Variants in PTGIS observed in about 807,000 individuals in gnomAD.
The protein encoded by PTGIS is prostaglandin I2 synthase.
Under a neutral mutation model 50.3 loss-of-function variants are expected in PTGIS, and 45 were observed. That is an observed-to-expected ratio of 0.90 (90% CI 0.70 to 1.15). The LOEUF (loss-of-function observed/expected upper bound fraction) is 1.15, where lower values mean the gene tolerates loss of function less well. Ranked by LOEUF, PTGIS falls within the 50% of genes most tolerant of loss-of-function variation. The probability of loss-of-function intolerance (pLI) is 0.00; values close to 1 mark genes in which losing one functional copy is unlikely to be tolerated. For missense variants in PTGIS, 668 were observed against 661.3 expected, an observed-to-expected ratio of 1.01 and a Z score of -0.11; for synonymous variants, 260 against 267.7, an observed-to-expected ratio of 0.97 and a Z score of 0.28.
intron 6 of PTGIS, among the ~76,000 whole-genome samples, chr20:49,518,573 G>T (rs1246111174): frequency 6.6e-6 from 1 of 151,982 alleles, no homozygotes; most frequent in East Asian, 1.9e-4. Flanking sequence ...GGGAAAGCTG[G>T]GTGAAGGGTA....
intron 9 of PTGIS, among the ~76,000 whole-genome samples, chr20:49,509,897 TTTTTTTC>T (rs1243998388): frequency 1.6e-5 from 2 of 124,012 alleles, no homozygotes; most frequent in Admixed American, 7.8e-5. Context: ...TTTTTTTTTT[TTTTTTTC>T]TGGAGACAGA....
At chr20:49,525,585 T>G (rs79424383) in intron 5 of PTGIS, among the ~76,000 whole-genome samples, 2 of 148,294 alleles carry the variant, frequency 1.3e-5, no homozygotes. Context: ...TTCTACTTCT[T>G]TTTTTTTTTT....
intron 6 of PTGIS, among the ~76,000 whole-genome samples, chr20:49,516,357 AACCTCC>A (rs1214735004): frequency 6.6e-5 from 10 of 152,100 alleles, no homozygotes; most frequent in African/African-American, 2.4e-4. Flanking sequence ...GGCTCACTGC[AACCTCC>A]ACCTCCTGGG....
intron 1 of PTGIS, among the ~76,000 whole-genome samples, chr20:49,562,169 C>T (rs1457383018): frequency 6.6e-6 from 1 of 152,210 alleles, no homozygotes; most frequent in Non-Finnish European, 1.5e-5. Context: ...TGACACTACC[C>T]TGGCCCCCAG....
chr20:49,547,605 C>CCAAACAAA (rs113839455), intron 3 of PTGIS, among the ~76,000 whole-genome samples: 8,264 of 144,568 alleles, frequency 0.057, 725 homozygotes, highest in African/African-American at 0.19. Context: ...AGGGCTGCCT[C>CCAAACAAA]CAAACAAACA....
chr20:49,541,645 C>T (rs12106255), intron 4 of PTGIS, among the ~76,000 whole-genome samples: 1,664 of 152,200 alleles, frequency 0.011, 28 homozygotes, highest in African/African-American at 0.038. Context: ...GCGAGAGAAT[C>T]GCTTGAATCT....
In PTGIS at chr20:49,505,485, A is replaced by T. The variant is rs1981126235; in HGVS notation, c.*2435T>A. On this transcript the variant is annotated 3_prime_UTR_variant, in exon 10 of 10. Transcript: ENST00000244043. The stretch of plus-strand genomic sequence containing the variant: ...TTCACTAATGACTGTGGTTCCAAGG[A>T]GGTGCGACCTTTAAAGGGAATTGGC... 1 of 152,452 alleles carries T rather than the reference A, an allele frequency of 6.6e-6. No individual in the cohort carries two copies. The highest frequency in any genetic ancestry group is 2.1e-4 in the South Asian group (1 of 4,828). 9.4% of individuals were successfully genotyped at this position (152,452 alleles called of 1,614,324 possible).
At chr20:49,542,712 C>T (rs1219458211) in intron 4 of PTGIS, among the ~76,000 whole-genome samples, 1 of 152,198 alleles carries the variant, frequency 6.6e-6, no homozygotes, top group Non-Finnish European at 1.5e-5. Context: ...ACACCAATTA[C>T]AGCCCTTGAC....
intron 1 of PTGIS, among the ~76,000 whole-genome samples, chr20:49,566,250 A>C (rs773943963): frequency 6.6e-5 from 10 of 152,158 alleles, no homozygotes; most frequent in South Asian, 2.1e-4. Flanking sequence ...AACAAACAAA[A>C]AAAGAGCCCA....
At chr20:49,565,611 G>A (rs760699805) in intron 1 of PTGIS, among the ~76,000 whole-genome samples, 2 of 152,148 alleles carry the variant, frequency 1.3e-5, no homozygotes, top group Non-Finnish European at 2.9e-5. Context: ...GCTCCAGTAA[G>A]CTATAATTGT....
chr20:49,559,763 A>G (rs1275628811), intron 1 of PTGIS, among the ~76,000 whole-genome samples: 1 of 152,200 alleles, frequency 6.6e-6, no homozygotes, highest in Non-Finnish European at 1.5e-5. Context: ...CAATAGAGAT[A>G]GAAAGTACAT....
Position 49,568,123 on chromosome 20 carries a change from G to A in PTGIS, c.-7C>T. 1 of 1,087,932 alleles carries A rather than the reference G, an allele frequency of 9.2e-7. No individual in the cohort carries two copies. Among genetic ancestry groups the A allele is most frequent in the Non-Finnish European group, 1.2e-6 (1 of 831,538 alleles). 67.4% of individuals were successfully genotyped at this position (1,087,932 alleles called of 1,614,324 possible). A position where few individuals can be genotyped will look rare whatever the true frequency, so the allele number is the denominator to read the frequency against. ...GGAGCGCGGCCCAAGCCATCGCGGG[G>A]CTGGCGGGGCTGGCGGGGCTGGCGG... is the stretch of plus-strand genomic sequence containing the variant. On this transcript the variant is annotated 5_prime_UTR_variant, in exon 1 of 10. Transcript: ENST00000244043.
At chr20:49,513,550 A>AATCTCTGTTC (rs1981385759) in intron 7 of PTGIS, among the ~76,000 whole-genome samples, 1 of 152,052 alleles carries the variant, frequency 6.6e-6, no homozygotes, top group African/African-American at 2.4e-5. Context: ...TAGGGCCATC[A>AATCTCTGTTC]ATCTCTGTTC....
rs1981201533 is a variant in PTGIS, at chr20:49,507,997, A to G, written c.1426T>C (p.Phe476Leu). 6.2e-7 allele frequency: 1 copy of G among 1,614,028 alleles called. No individual in the cohort carries two copies. The highest frequency in any genetic ancestry group is 2.2e-5 in the East Asian group (1 of 44,888). Reference sequence around the variant, plus strand: ...CCGAAGCCGTACCTGCTGAGGTCAAACTCAGGGATCTCCACATCTGCGTTG... The same window carrying G: ...CCGAAGCCGTACCTGCTGAGGTCAAGCTCAGGGATCTCCACATCTGCGTTG... ...LINADVEIPE[F>L]DLSRYGFGLM... Residue 476 changes from phenylalanine (F) to leucine (L), a missense_variant, in exon 10 of 10, where the codon TTT becomes CTT. Coordinates refer to ENST00000244043, the MANE Select transcript of PTGIS (RefSeq NM_000961.4).
At chr20:49,564,450 A>C (rs1982846728) in intron 1 of PTGIS, among the ~76,000 whole-genome samples, 1 of 152,090 alleles carries the variant, frequency 6.6e-6, no homozygotes, top group African/African-American at 2.4e-5. Context: ...ACGGGGTTTC[A>C]TCGTGTTAGC....
chr20:49,511,178 A>C lies in PTGIS; in HGVS notation c.1208T>G (p.Val403Gly). Residue 403 changes from valine (V) to glycine (G), a missense_variant and splice_region_variant, in exon 9 of 10, where the codon GTA becomes GGA. Coordinates refer to ENST00000244043, the MANE Select transcript of PTGIS (RefSeq NM_000961.4). Reference protein sequence around the residue: ...RDPEIYTDPEVFKYNRFLNPD... With the variant: ...RDPEIYTDPEGFKYNRFLNPD... The stretch of plus-strand genomic sequence containing the variant: ...GTTCAGGAATCGGTTGTATTTAAAT[A>C]CCTGAAATAGGAAGAAGGTCCTTTT... 1 of 1,614,178 alleles carries C rather than the reference A, an allele frequency of 6.2e-7. No homozygotes were observed. Among genetic ancestry groups the C allele is most frequent in the Non-Finnish European group, 8.5e-7 (1 of 1,180,044 alleles).
rs147409949 is a variant in PTGIS, at chr20:49,506,819, C to G, written c.*1101G>C. On this transcript the variant is annotated 3_prime_UTR_variant, in exon 10 of 10. Coordinates refer to ENST00000244043, the MANE Select transcript of PTGIS (RefSeq NM_000961.4). ...CTCAGATGCCTTCAGGTCCAGGAGG[C>G]GCTGTGAATGCAGAAGCAGACCCGG... 1 of 152,222 alleles carries G rather than the reference C, an allele frequency of 6.6e-6. No homozygotes were observed. Among genetic ancestry groups the G allele is most frequent in the Non-Finnish European group, 1.5e-5 (1 of 68,088 alleles). 9.4% of individuals were successfully genotyped at this position (152,222 alleles called of 1,614,324 possible).
At chr20:49,539,404 C>A (rs1479495357) in intron 5 of PTGIS, among the ~76,000 whole-genome samples, 166 bp downstream of exon 5, 1 of 152,248 alleles carries the variant, frequency 6.6e-6, no homozygotes, top group Admixed American at 6.5e-5. Flanking sequence ...CCCTGGCTCC[C>A]CACCATTGCG....
Position 49,511,016 on chromosome 20 carries a change from C to A in PTGIS, c.1358+12G>T, listed in dbSNP as rs753396687. 1 of 1,611,754 alleles carries A rather than the reference C, an allele frequency of 6.2e-7. No individual in the cohort carries two copies. The highest frequency in any genetic ancestry group is 8.5e-7 in the Non-Finnish European group (1 of 1,179,006). ...AGGAGCCACCCTGGCCCTGCCCTGGCCCCCCACTCACTGTTTGATGCTGTT... is the reference window on the plus strand; with the variant it reads ...AGGAGCCACCCTGGCCCTGCCCTGGACCCCCACTCACTGTTTGATGCTGTT... On this transcript the variant is annotated intron_variant, in intron 9 of 9. Coordinates refer to ENST00000244043, the MANE Select transcript of PTGIS (RefSeq NM_000961.4).
Sources: allele counts gnomAD v4.1 joint callset (sites outside exome capture counted in the v4.1 genomes callset), GRCh38; gene constraint gnomAD v4.1.1; transcripts MANE v1.5; gene names NCBI Gene and HGNC (gene_info 2026-07-23, HGNC 2026-07-21).